The following PDP1 variants were observed in gnomAD, a reference collection of about 807,000 sequenced individuals.
PDP1 encodes the protein pyruvate dehydrogenase phosphatase catalytic subunit 1.
In PDP1, 14 loss-of-function variants were observed where a neutral mutation model predicts 37.1. The ratio of observed to expected loss-of-function variants is 0.38; its 90% confidence interval spans 0.25 to 0.59. The LOEUF is 0.59. Among genes scored for constraint, PDP1 ranks in the 20% least tolerant of loss-of-function variants. The probability of loss-of-function intolerance (pLI) is 0.67; values close to 1 mark genes in which losing one functional copy is unlikely to be tolerated. For missense variants in PDP1, 544 were observed against 655.3 expected, an observed-to-expected ratio of 0.83 and a Z score of 1.85; for synonymous variants, 251 against 243.3, an observed-to-expected ratio of 1.03 and a Z score of -0.29.
chr8:93,917,976 T>A (rs773660203), intron 1 of PDP1: 1 of 1,611,630 alleles, frequency 6.2e-7, no homozygotes, highest in South Asian at 1.1e-5. Context: ...CTGCGTTGGG[T>A]ACCCAGGAAG....
chr8:93,917,997 G>A (rs995642713), intron 1 of PDP1: 2 of 1,605,376 alleles, frequency 1.2e-6, no homozygotes, highest in Admixed American at 1.7e-5. Flanking sequence ...GATGGTGACA[G>A]ATTTTTGTGT....
rs996830243 is a variant in PDP1 at position 93,918,070 on chromosome 8, A to G, written c.-45+991A>G. 4.8e-6 allele frequency: 5 copies of G among 1,049,696 alleles called. No homozygotes were observed. In the East Asian group the frequency reaches 1.3e-4, roughly 28 times the overall value. 65.0% of individuals were successfully genotyped at this position (1,049,696 alleles called of 1,614,324 possible). On this transcript the variant is annotated intron_variant, in intron 1 of 1. Coordinates refer to ENST00000297598, the MANE Select transcript of PDP1 (RefSeq NM_018444.4). The stretch of plus-strand genomic sequence containing the variant: ...ATGAGATAGATTGGAAAAAGGGACA[A>G]ACGCGTCTTGGATTGAGATAGCTTT...
rs1024241810 is a variant in PDP1 at position 93,925,181 on chromosome 8, ACTC to A, written c.*1511_*1513del. On this transcript the variant is annotated 3_prime_UTR_variant, in exon 2 of 2. Transcript: ENST00000297598. ...GGGGATATGAACTAGATGTTCAAGAACTCCTTCTGGACTGTGGATACTGAATCA... is the reference window on the plus strand; with the variant it reads ...GGGGATATGAACTAGATGTTCAAGAACTTCTGGACTGTGGATACTGAATCA... 6.0e-6 allele frequency: 1 copy of A among 166,954 alleles called. No homozygotes were observed. Among genetic ancestry groups the A allele is most frequent in the African/African-American group, 2.4e-5 (1 of 41,414 alleles). 10.3% of individuals were successfully genotyped at this position (166,954 alleles called of 1,614,324 possible). A position where few individuals can be genotyped will look rare whatever the true frequency, so the allele number is the denominator to read the frequency against.
At chr8:93,918,228 C>T (rs1209598072) in intron 1 of PDP1, among the ~76,000 whole-genome samples, 3 of 152,048 alleles carry the variant, frequency 2.0e-5, no homozygotes, top group Non-Finnish European at 4.4e-5. Flanking sequence ...CTAGGCATTT[C>T]CAGAAAAATG....
Position 93,921,965 on chromosome 8 carries a change from C to T in PDP1, c.-44-51C>T, listed in dbSNP as rs1191490753. 7.1e-6 allele frequency: 9 copies of T among 1,276,492 alleles called. No individual in the cohort carries two copies. In the Admixed American group the frequency reaches 2.0e-4, roughly 28 times the overall value. 79.1% of individuals were successfully genotyped at this position (1,276,492 alleles called of 1,614,324 possible). On this transcript the variant is annotated intron_variant, in intron 1 of 1. Transcript: ENST00000297598. ...ATAAAGGCAAAGCTAGATTAAGTAT[C>T]CTGAAATGTAACTCTTTCCTTTGTG...
At position 93,919,502 on chromosome 8, in the gene PDP1, C is replaced by T. The variant is rs1417120218; in HGVS notation, c.-45+2423C>T. Among the ~76,000 whole-genome samples, 153 of 137,020 alleles carry T rather than the reference C, an allele frequency of 1.1e-3. 1 individual carries two copies. The highest frequency in any genetic ancestry group is 2.0e-3 in the Non-Finnish European group (127 of 63,386). 89.9% of individuals were successfully genotyped at this position (137,020 alleles called of 152,430 possible). ...CTCCCCCCGCTGCCCTCCCTCCCCC[C>T]CCCCGGCAAAAAAATGTCGAAGCAA... On this transcript the variant is annotated intron_variant, in intron 1 of 1. Coordinates refer to ENST00000297598, the MANE Select transcript of PDP1 (RefSeq NM_018444.4).
chr8:93,919,066 ACT>A (rs1810176785), intron 1 of PDP1: 3 of 617,348 alleles, frequency 4.9e-6, no homozygotes, highest in African/African-American at 2.0e-5. Context: ...AATAAAATTC[ACT>A]CTCTCATTTT....
rs535568386 is a variant in PDP1 at position 93,923,655 on chromosome 8, G to A, written c.1596G>A (p.Ala532=). ...VVQFNSHVVG[A]YQNQE ...AGTTCAATTCTCATGTTGTAGGGGCGTATCAAAACCAAGAATAGTGAGTGG... is the reference window on the plus strand; with the variant it reads ...AGTTCAATTCTCATGTTGTAGGGGCATATCAAAACCAAGAATAGTGAGTGG... The change falls in exon 2 of 2, where the codon GCG becomes GCA. Residue 532 remains alanine, a synonymous_variant. Coordinates refer to ENST00000297598, the MANE Select transcript of PDP1 (RefSeq NM_018444.4). The surrounding 1 kb of genome is among the most constrained non-coding windows in gnomAD (Gnocchi z 4.3). 1.6e-4 allele frequency: 265 copies of A among 1,613,340 alleles called. 4 individuals are homozygous for A. In the South Asian group the frequency reaches 2.4e-3, roughly 14 times the overall value.
chr8:93,921,159 A>T, intron 1 of PDP1: 2 of 984,668 alleles, frequency 2.0e-6, no homozygotes, highest in Non-Finnish European at 2.4e-6. Context: ...CCTCACTTCC[A>T]TAAGCATAAA....
chr8:93,923,838 C>G lies in PDP1; in HGVS notation c.*165C>G. 1 of 682,194 alleles carries G rather than the reference C, an allele frequency of 1.5e-6. No individual in the cohort carries two copies. Among genetic ancestry groups the G allele is most frequent in the South Asian group, 1.7e-5 (1 of 60,084 alleles). The allele number at this position is 682,194 out of a possible 1,614,324, so 42.3% of individuals were successfully genotyped here. Reference sequence around the variant, plus strand: ...CCAAATTGACTTTGCAGCAGGGTGGCAGGGTCAGGAGAGTCTGGTCCTGCC... The same window carrying G: ...CCAAATTGACTTTGCAGCAGGGTGGGAGGGTCAGGAGAGTCTGGTCCTGCC... On this transcript the variant is annotated 3_prime_UTR_variant, in exon 2 of 2. Coordinates refer to ENST00000297598, the MANE Select transcript of PDP1 (RefSeq NM_018444.4). This position sits in a 1 kb window ranked among gnomAD's most constrained non-coding sequence, Gnocchi z 4.3.
intron 1 of PDP1, chr8:93,919,238 T>G (rs751870866): frequency 3.0e-5 from 16 of 539,606 alleles, no homozygotes; most frequent in Non-Finnish European, 3.3e-5. Flanking sequence ...AGAAAAGATG[T>G]CATACCAAGC....
At chr8:93,920,105 C>T (rs1421589391) in intron 1 of PDP1, among the ~76,000 whole-genome samples, 2 of 152,160 alleles carry the variant, frequency 1.3e-5, no homozygotes, top group Non-Finnish European at 2.9e-5. Context: ...TCTTCATTTT[C>T]GTAAACAAAT....
chr8:93,917,604 G>C, intron 1 of PDP1: 1 of 457,282 alleles, frequency 2.2e-6, no homozygotes, highest in Non-Finnish European at 3.9e-6. Context: ...TGGCCCTCGG[G>C]GCGCACCCCT....
At chr8:93,920,542 C>T (rs1810236918) in intron 1 of PDP1, 1 of 939,246 alleles carries the variant, frequency 1.1e-6, no homozygotes, top group African/African-American at 1.8e-5. Flanking sequence ...TTTTCTTGCC[C>T]AAATTATCTA....
At chr8:93,920,951 A>C in intron 1 of PDP1, 1 of 983,500 alleles carries the variant, frequency 1.0e-6, no homozygotes, top group Non-Finnish European at 1.2e-6. Context: ...AGATGAAAAT[A>C]CTTCTATGGG....
Position 93,922,734 on chromosome 8 carries a change from T to C in PDP1, c.675T>C (p.Gly225=). ...AAGAGCTTATAGACCTCAACACTGG[T>C]GAGTCGACTGATATTGATGTTAAGG... ...YWQELIDLNT[G]ESTDIDVKEA... is the part of the protein sequence containing the mutation. Residue 225 remains glycine, a synonymous_variant, in exon 2 of 2, where the codon GGT becomes GGC. Coordinates refer to ENST00000297598, the MANE Select transcript of PDP1 (RefSeq NM_018444.4). This position sits in a 1 kb window ranked among gnomAD's most constrained non-coding sequence, Gnocchi z 4.0. 6.2e-7 allele frequency: 1 copy of C among 1,614,116 alleles called. No individual in the cohort carries two copies.
intron 1 of PDP1, chr8:93,921,797 A>G: frequency 2.0e-6 from 1 of 492,838 alleles, no homozygotes; most frequent in South Asian, 3.9e-5. Context: ...TATAGGAGCC[A>G]GGAGTTCAGT....
intron 1 of PDP1, chr8:93,921,171 G>T (rs1285623581): frequency 1.0e-6 from 1 of 983,746 alleles, no homozygotes; most frequent in East Asian, 1.1e-4. Flanking sequence ...AAGCATAAAG[G>T]CATGAATCCT....
rs754684543 is a variant in PDP1, at chr8:93,922,115, G to C, written c.56G>C (p.Arg19Thr). The C allele has an allele frequency of 4.3e-6, 7 of 1,613,986 alleles. No individual in the cohort carries two copies. The highest frequency in any genetic ancestry group is 5.9e-6 in the Non-Finnish European group (7 of 1,179,974). ...FPLIRNCELS[R>T]IYGTACYCHH... is the part of the protein sequence containing the mutation. Reference sequence around the variant, plus strand: ...CTCATCCGTAACTGTGAACTGAGCAGGATCTATGGCACTGCATGTTACTGC... The same window carrying C: ...CTCATCCGTAACTGTGAACTGAGCACGATCTATGGCACTGCATGTTACTGC... Residue 19 changes from arginine to threonine, a missense_variant, in exon 2 of 2, where the codon AGG (arginine) becomes ACG (threonine). Physicochemically the swap from Arg to Thr is moderately conservative, Grantham distance 71. Around this residue, in one of 5 missense-constraint regions of PDP1, gnomAD observed 342 missense variants for 414.0 expected, o/e 0.83. Transcript: ENST00000297598. This position sits in a 1 kb window ranked among gnomAD's most constrained non-coding sequence, Gnocchi z 4.0.
Sources: gnomAD v4.1 joint callset for allele counts (sites outside exome capture counted in the v4.1 genomes callset) on GRCh38, gnomAD v4.1.1 for gene constraint, gnomAD v4.1.1 regional missense constraint, Gnocchi (gnomAD v3.1) non-coding constraint, MANE v1.5 for transcripts, NCBI Gene and HGNC (gene_info 2026-07-23, HGNC 2026-07-21) for gene names.